Variants in VPS50 observed in about 807,000 individuals in gnomAD.
VPS50 encodes the protein VPS50 subunit of EARP/GARPII complex, also known as syndetin.
Under a neutral mutation model 139.7 loss-of-function variants are expected in VPS50, and 70 were observed. The ratio of observed to expected loss-of-function variants is 0.50; its 90% confidence interval spans 0.41 to 0.61. The LOEUF is 0.61. Ranked by LOEUF, VPS50 falls within the 20% of genes least tolerant of loss-of-function variation. The pLI, the probability that VPS50 is intolerant of heterozygous loss-of-function variation, is 0.00. For missense variants in VPS50, 921 were observed against 1,133.7 expected (o/e 0.81, Z 2.69); for synonymous variants, 365 against 376.7 (o/e 0.97, Z 0.36).
At chr7:93,271,361 A>T in intron 10 of VPS50, 99 bp downstream of exon 10, 1 of 1,393,020 alleles carries the variant, frequency 7.2e-7, no homozygotes, top group Non-Finnish European at 9.3e-7. Flanking sequence ...TGTTATTACC[A>T]ATGTCTCTAG....
intron 14 of VPS50, 151 bp downstream of exon 14, chr7:93,294,787 G>T: frequency 1.6e-6 from 1 of 635,666 alleles, no homozygotes. Flanking sequence ...TTTAATTTCT[G>T]TAATGTATTT....
rs556297349 is a variant in VPS50 at position 93,252,780 on chromosome 7, A to G, written c.225+5A>G. ...ATTGTTAAATATGAGCTGGAGGTAA[A>G]CAGAATTTCATTAAAACATAACTAA... On this transcript the variant is annotated splice_donor_5th_base_variant and intron_variant, in intron 3 of 27. Transcript: ENST00000305866. The G allele has an allele frequency of 1.8e-5, 28 of 1,575,930 alleles. No individual in the cohort carries two copies. The highest frequency in any genetic ancestry group is 3.6e-4 in the Middle Eastern group (2 of 5,522).
chr7:93,243,342 A>G (rs908535646), intron 2 of VPS50, among the ~76,000 whole-genome samples: 2 of 151,966 alleles, frequency 1.3e-5, no homozygotes, highest in African/African-American at 4.8e-5. Flanking sequence ...GCCAATTCCA[A>G]TTAAATCACC....
chr7:93,330,174 G>T (rs568197181), intron 21 of VPS50, among the ~76,000 whole-genome samples: 1 of 152,122 alleles, frequency 6.6e-6, no homozygotes, highest in Non-Finnish European at 1.5e-5. Context: ...CTGTATATTA[G>T]TAAAGCAGTG....
intron 16 of VPS50, among the ~76,000 whole-genome samples, chr7:93,298,794 T>G (rs1796887426): frequency 6.6e-6 from 1 of 152,220 alleles, no homozygotes; most frequent in Non-Finnish European, 1.5e-5. Context: ...CTTAGAAACA[T>G]TTGTGAAACT....
Position 93,296,822 on chromosome 7 carries a change from G to A in VPS50, c.1248G>A (p.Leu416=), listed in dbSNP as rs1198993107. The stretch of plus-strand genomic sequence containing the variant: ...AATATGATGATTTCATCTTTGTTTT[G>A]GATATAATCAGCAGGTAGTATTTAA... The part of the protein sequence containing the change: ...IFKYDDFIFV[L]DIISRLMQVG... Residue 416 remains leucine (L), a synonymous_variant, in exon 15 of 28, where the codon TTG becomes TTA. Transcript: ENST00000305866. 4.4e-6 allele frequency: 7 copies of A among 1,599,430 alleles called. No homozygotes were observed. Among genetic ancestry groups the A allele is most frequent in the Non-Finnish European group, 6.0e-6 (7 of 1,176,468 alleles).
At chr7:93,337,916 G>C (rs774752703) in intron 22 of VPS50, among the ~76,000 whole-genome samples, 1 of 152,126 alleles carries the variant, frequency 6.6e-6, no homozygotes, top group Non-Finnish European at 1.5e-5. Context: ...GCTTTGTTAT[G>C]ATGTAACCAA....
intron 12 of VPS50, among the ~76,000 whole-genome samples, chr7:93,284,225 C>T (rs1397984251): frequency 2.0e-5 from 3 of 152,076 alleles, no homozygotes; most frequent in African/African-American, 7.2e-5. Flanking sequence ...CAACAGGAAA[C>T]CATTTTTGAA....
intron 21 of VPS50, among the ~76,000 whole-genome samples, chr7:93,327,050 A>G (rs1797802674): frequency 6.6e-6 from 1 of 152,220 alleles, no homozygotes; most frequent in Admixed American, 6.5e-5. Flanking sequence ...ATTGAGGAAG[A>G]CATTGTAGAG....
At chr7:93,320,814 G>A (rs186871732) in intron 20 of VPS50, 2 of 152,682 alleles carry the variant, frequency 1.3e-5, no homozygotes, top group East Asian at 3.9e-4. Flanking sequence ...ATGTGAACCT[G>A]TAGCTTGATC....
intron 27 of VPS50, among the ~76,000 whole-genome samples, chr7:93,357,125 C>T (rs1331140154): frequency 6.6e-6 from 1 of 152,162 alleles, no homozygotes; most frequent in Non-Finnish European, 1.5e-5. Flanking sequence ...TGCAGATAGA[C>T]TGCTTAATGT....
chr7:93,283,155 T>C (rs1338571259), intron 12 of VPS50, among the ~76,000 whole-genome samples: 1 of 152,086 alleles, frequency 6.6e-6, no homozygotes, highest in African/African-American at 2.4e-5. Flanking sequence ...GACACAGACT[T>C]CATATTCTTA....
intron 9 of VPS50, among the ~76,000 whole-genome samples, chr7:93,266,437 T>G (rs1410843083): frequency 1.3e-5 from 2 of 152,218 alleles, no homozygotes; most frequent in Admixed American, 6.5e-5. Context: ...TGTCTTTTTG[T>G]ATAGTCAGAT....
chr7:93,286,311 A>G (rs762080528), intron 12 of VPS50, among the ~76,000 whole-genome samples: 3 of 152,206 alleles, frequency 2.0e-5, no homozygotes, highest in South Asian at 2.1e-4. Flanking sequence ...ATGTGAACAT[A>G]GAACTGGGAT....
chr7:93,257,500 A>G (rs722263), intron 6 of VPS50, 36 bp downstream of exon 6: 510,812 of 1,177,912 alleles, frequency 0.43, 120,375 homozygotes, highest in African/African-American at 0.89. Flanking sequence ...CTTTAAGCTG[A>G]ACAATATTTC....
rs773739036 is a variant in VPS50 at position 93,334,892 on chromosome 7, C to T, written c.2058+695C>T. On this transcript the variant is annotated intron_variant, in intron 22 of 27. Transcript: ENST00000305866. ...TAGCCGGAAATTTATGTTATTCAGACGTTTCTCCACATCTACTTTAACCCC... is the reference window on the plus strand; with the variant it reads ...TAGCCGGAAATTTATGTTATTCAGATGTTTCTCCACATCTACTTTAACCCC... Among the ~76,000 whole-genome samples the T allele has an allele frequency of 4.6e-5, 7 of 152,034 alleles. No individual in the cohort carries two copies. In the South Asian group the frequency reaches 6.2e-4, roughly 13 times the overall value.
chr7:93,233,432 T>A (rs1037499430), intron 1 of VPS50, among the ~76,000 whole-genome samples: 1 of 152,186 alleles, frequency 6.6e-6, no homozygotes, highest in Non-Finnish European at 1.5e-5. Flanking sequence ...TATTTGTGAG[T>A]TTTTTTCTTG....
At chr7:93,286,344 A>G (rs1295323930) in intron 12 of VPS50, among the ~76,000 whole-genome samples, 3 of 152,166 alleles carry the variant, frequency 2.0e-5, no homozygotes, top group Non-Finnish European at 2.9e-5. Flanking sequence ...CTCCTCTGCT[A>G]TGATATTCCT....
chr7:93,353,556 T>C (rs1798616406), intron 25 of VPS50, 84 bp from the exon 26 acceptor site: 1 of 1,436,124 alleles, frequency 7.0e-7, no homozygotes, highest in Non-Finnish European at 9.5e-7. Context: ...TCTTTCTAAA[T>C]CTTTTTTATT....
Sources: gnomAD v4.1 joint callset for allele counts (sites outside exome capture counted in the v4.1 genomes callset) on GRCh38, gnomAD v4.1.1 for gene constraint, MANE v1.5 for transcripts, NCBI Gene and HGNC (gene_info 2026-07-23, HGNC 2026-07-21) for gene names.